The following SLC4A4 variants were observed in gnomAD, a reference collection of about 807,000 sequenced individuals.
The protein encoded by SLC4A4 is electrogenic sodium bicarbonate cotransporter 1.
SLC4A4 carries 27 observed loss-of-function variants against 111.5 expected under a neutral mutation model. That is an observed-to-expected ratio of 0.24 (90% CI 0.18 to 0.33). The LOEUF (loss-of-function observed/expected upper bound fraction) is 0.33. Among genes scored for constraint, SLC4A4 ranks in the 10% least tolerant of loss-of-function variants. SLC4A4 has a pLI of 1.00. For missense variants in SLC4A4, 909 were observed against 1,315.5 expected (o/e 0.69, Z 4.78); for synonymous variants, 443 against 463.4 (o/e 0.96, Z 0.57).
chr4:71,079,778 A>AAC, intron 1 of SLC4A4, among the ~76,000 whole-genome samples: 1 of 151,480 alleles, frequency 6.6e-6, no homozygotes, highest in Non-Finnish European at 1.5e-5. Context: ...TCTGTCTCAA[A>AAC]AAAAAAAAAA....
chr4:71,451,440 C>CA lies in SLC4A4; in HGVS notation c.1322+140dup. 3 of 715,038 alleles carry CA rather than the reference C, an allele frequency of 4.2e-6. No homozygotes were observed. The South Asian group carries it at 4.5e-5, about 11-fold the overall frequency. The allele number at this position is 715,038 out of a possible 1,614,324, so 44.3% of individuals were successfully genotyped here. On this transcript the variant is annotated intron_variant, in intron 11 of 25. Transcript: ENST00000264485. ...TTATGGTATACCTATTTGTCACAGG[C>CA]ACTGGGAATATAGCAGTGAATTAAA...
intron 4 of SLC4A4, among the ~76,000 whole-genome samples, chr4:71,345,696 C>A (rs548141162): frequency 2.6e-5 from 4 of 151,814 alleles, no homozygotes; most frequent in Admixed American, 2.0e-4. Context: ...TGGGTTTGGG[C>A]AAAGACTGCT....
rs563188800 is a variant in SLC4A4 at position 71,088,588 on chromosome 4, T to A, written c.-64-4142T>A. On this transcript the variant is annotated intron_variant, in intron 1 of 26. Transcript: ENST00000649996. The stretch of plus-strand genomic sequence containing the variant: ...TAGTGCTTCCTTCAGGAGCTCTTTT[T>A]GGGCAGACTTGGTGGTGACAAAATC... Among the ~76,000 whole-genome samples the A allele has an allele frequency of 5.3e-5, 8 of 152,128 alleles. No homozygotes were observed. In the East Asian group the frequency reaches 7.7e-4, roughly 15 times the overall value.
At chr4:71,550,051 T>C (rs1196635188) in intron 20 of SLC4A4, among the ~76,000 whole-genome samples, 1 of 151,906 alleles carries the variant, frequency 6.6e-6, no homozygotes, top group Non-Finnish European at 1.5e-5. Flanking sequence ...TGTTCATGAT[T>C]GTGGCTATTT....
In SLC4A4 at chr4:71,503,282, A is replaced by C. The variant is rs1219724881; in HGVS notation, c.2166+5590A>C. On this transcript the variant is annotated intron_variant, in intron 16 of 25. Transcript: ENST00000264485. ...CCATTCATTCCCTCTGTATCTTTTC[A>C]TTGGAGAACTTAATTTCATTTACAT... Among the ~76,000 whole-genome samples, 4 of 146,774 alleles carry C rather than the reference A, an allele frequency of 2.7e-5. No homozygotes were observed. The East Asian group carries it at 8.0e-4, about 29-fold the overall frequency.
intron 16 of SLC4A4, among the ~76,000 whole-genome samples, chr4:71,509,593 G>A (rs1245630798): frequency 6.6e-6 from 1 of 152,124 alleles, no homozygotes; most frequent in Non-Finnish European, 1.5e-5. Flanking sequence ...GGTTTTGCTA[G>A]GCTCTTTAGA....
intron 3 of SLC4A4, among the ~76,000 whole-genome samples, chr4:71,284,431 T>G (rs1723751670): frequency 6.6e-6 from 1 of 152,220 alleles, no homozygotes. Flanking sequence ...TTTCATTACA[T>G]TGACTCAGAG....
chr4:71,184,396 G>A (rs1745389636), upstream of SLC4A4, among the ~76,000 whole-genome samples: 1 of 152,140 alleles, frequency 6.6e-6, no homozygotes, highest in African/African-American at 2.4e-5. Flanking sequence ...ACTAGATGGT[G>A]CTTGTCATCG....
intron 1 of SLC4A4, among the ~76,000 whole-genome samples, chr4:71,213,989 C>G (rs552158756): frequency 1.4e-3 from 218 of 152,316 alleles, no homozygotes; most frequent in Non-Finnish European, 2.2e-3. Flanking sequence ...AAGACACTCC[C>G]TGTTCTCTAC....
intron 1 of SLC4A4, among the ~76,000 whole-genome samples, chr4:71,216,417 CAGG>C (rs1361001337): frequency 1.3e-5 from 2 of 152,024 alleles, no homozygotes; most frequent in Non-Finnish European, 2.9e-5. Flanking sequence ...CTGTATTTCC[CAGG>C]GTGACCACCT....
intron 6 of SLC4A4, among the ~76,000 whole-genome samples, chr4:71,377,651 T>C (rs1220283386): frequency 6.6e-6 from 1 of 152,184 alleles, no homozygotes. Context: ...TTCAGGGGTC[T>C]CTGCTCATCA....
At chr4:71,428,027 A>C (rs1399051468) in intron 7 of SLC4A4, among the ~76,000 whole-genome samples, 1 of 152,192 alleles carries the variant, frequency 6.6e-6, no homozygotes, top group African/African-American at 2.4e-5. Flanking sequence ...TTAGAAAGAA[A>C]GTCCCCTTGA....
At chr4:71,085,225 A>C (rs535815765) in intron 1 of SLC4A4, among the ~76,000 whole-genome samples, 1 of 151,966 alleles carries the variant, frequency 6.6e-6, no homozygotes, top group African/African-American at 2.4e-5. Flanking sequence ...GTCTGTTCAT[A>C]TCCTTCGCCC....
intron 1 of SLC4A4, among the ~76,000 whole-genome samples, chr4:71,227,303 A>C (rs942606579): frequency 6.6e-6 from 1 of 152,216 alleles, no homozygotes; most frequent in African/African-American, 2.4e-5. Flanking sequence ...ACCTGAGCTT[A>C]CGTTTCATGT....
intron 2 of SLC4A4, among the ~76,000 whole-genome samples, chr4:71,127,513 G>A (rs1402222622): frequency 6.6e-6 from 1 of 152,068 alleles, no homozygotes; most frequent in Non-Finnish European, 1.5e-5. Context: ...AAATAAATAT[G>A]CCAGACTTTT....
chr4:71,137,581 C>T (rs1172819810), intron 2 of SLC4A4, among the ~76,000 whole-genome samples: 1 of 152,184 alleles, frequency 6.6e-6, no homozygotes. Context: ...TCTAATAGTT[C>T]CTAGTTCTGC....
At chr4:71,071,820 A>T (rs1207384062) in intron 1 of SLC4A4, among the ~76,000 whole-genome samples, 1 of 152,186 alleles carries the variant, frequency 6.6e-6, no homozygotes, top group Non-Finnish European at 1.5e-5. Context: ...TTGTTCTAAT[A>T]TTTTGATATT....
intron 3 of SLC4A4, among the ~76,000 whole-genome samples, chr4:71,261,099 G>A (rs1721821710): frequency 1.3e-5 from 2 of 152,258 alleles, no homozygotes; most frequent in Non-Finnish European, 2.9e-5. Flanking sequence ...CTTGGCTCTT[G>A]GCTCCTAACG....
chr4:71,304,513 A>C (rs1221079711), intron 3 of SLC4A4, among the ~76,000 whole-genome samples: 2 of 152,126 alleles, frequency 1.3e-5, no homozygotes. Flanking sequence ...AACCTTCTTT[A>C]CTCAGTCTAC....
Sources: allele counts gnomAD v4.1 joint callset (sites outside exome capture counted in the v4.1 genomes callset), GRCh38; gene constraint gnomAD v4.1.1; transcripts MANE v1.5; gene names NCBI Gene and HGNC (gene_info 2026-07-23, HGNC 2026-07-21).